NTSR1: variants seen among roughly 807,000 people sequenced by gnomAD.
The protein encoded by NTSR1 is neurotensin receptor type 1.
Under a neutral mutation model 31.2 loss-of-function variants are expected in NTSR1, and 29 were observed. The ratio of observed to expected loss-of-function variants is 0.93; its 90% CI spans 0.69 to 1.27. The LOEUF (loss-of-function observed/expected upper bound fraction) is 1.27. Ranked by LOEUF, NTSR1 falls within the 50% of genes most tolerant of loss-of-function variation. The pLI is 0.00. For synonymous variants in NTSR1, 282 were observed against 269.9 expected, an observed-to-expected ratio of 1.04 and a Z score of -0.44; for missense variants, 697 against 595.4, an observed-to-expected ratio of 1.17 and a Z score of -1.78.
rs1371519210 is a variant in NTSR1 at position 62,745,176 on chromosome 20, A to G, written c.715-9509A>G. ...CTGCCACCTGAGGATGTTGGTACAC[A>G]CACCAGACTCAGAGGGAGACCCAGA... On this transcript the variant is annotated intron_variant, in intron 1 of 3. Transcript: ENST00000370501. This position sits in a 1 kb window ranked among gnomAD's most constrained non-coding sequence, Gnocchi z 4.1. Among the ~76,000 whole-genome samples the G allele has an allele frequency of 4.6e-5, 7 of 152,132 alleles. No individual in the cohort carries two copies. The highest frequency in any genetic ancestry group is 1.7e-4 in the African/African-American group (7 of 41,424).
intron 3 of NTSR1, among the ~76,000 whole-genome samples, chr20:62,759,811 C>T (rs1214314320): frequency 6.6e-6 from 1 of 150,962 alleles, no homozygotes; most frequent in Admixed American, 6.6e-5. Context: ...CCAGGCTGGG[C>T]GGGAGCACGA....
Position 62,732,219 on chromosome 20 carries a change from A to G in NTSR1, c.714+22298A>G, listed in dbSNP as rs908236705. Among the ~76,000 whole-genome samples the G allele has an allele frequency of 6.6e-6, 1 of 152,154 alleles. No homozygotes were observed. Among genetic ancestry groups the G allele is most frequent in the African/African-American group, 2.4e-5 (1 of 41,438 alleles). Reference sequence around the variant, plus strand: ...CTGTGAACTCACAGTATGACGTTAAATAGGAGTGAGGATAGGGGGCCTCCC... The same window carrying G: ...CTGTGAACTCACAGTATGACGTTAAGTAGGAGTGAGGATAGGGGGCCTCCC... On this transcript the variant is annotated intron_variant, in intron 1 of 3. Transcript: ENST00000370501. The surrounding 1 kb of genome is among the most constrained non-coding windows in gnomAD (Gnocchi z 4.0).
rs759949331 is a variant in NTSR1, at chr20:62,714,858, A to AG, written c.714+4938dup. ...CTGATCATTCTTCCTGCCAAGAAAC[A>AG]GCAAAAAAGCCTAGGTAGTGAATAG... On this transcript the variant is annotated intron_variant, in intron 1 of 3. Coordinates refer to ENST00000370501, the MANE Select transcript of NTSR1 (RefSeq NM_002531.3). This position sits in a 1 kb window ranked among gnomAD's most constrained non-coding sequence, Gnocchi z 4.1. 2.4e-4 allele frequency among the ~76,000 whole-genome samples: 37 copies of AG among 152,384 alleles called. No homozygotes were observed. The East Asian group carries it at 7.1e-3, about 29-fold the overall frequency.
chr20:62,712,695 G>T (rs562659296), intron 1 of NTSR1, among the ~76,000 whole-genome samples: 1 of 152,218 alleles, frequency 6.6e-6, no homozygotes, highest in African/African-American at 2.4e-5. Context: ...GGACCTACGG[G>T]TGCCCCTGGG....
intron 2 of NTSR1, 63 bp downstream of exon 2, chr20:62,754,949 G>A (rs540344894): frequency 7.0e-5 from 101 of 1,443,386 alleles, no homozygotes; most frequent in Non-Finnish European, 8.3e-5. Context: ...GGCAGCGAGC[G>A]CTGAACCACC....
chr20:62,732,119 CAA>C lies in NTSR1; in HGVS notation c.714+22213_714+22214del, dbSNP rs11484429. Among the ~76,000 whole-genome samples the C allele has an allele frequency of 1.8e-3, 264 of 145,208 alleles. No individual in the cohort carries two copies. Among genetic ancestry groups the C allele is most frequent in the African/African-American group, 4.8e-3 (187 of 39,078 alleles). Reference sequence around the variant, plus strand: ...TGGGCGACAGAGTGAGACTCCATTTCAAAAAAAAAAAAAAAATTACACTGTAC... The same window carrying C: ...TGGGCGACAGAGTGAGACTCCATTTCAAAAAAAAAAAAAATTACACTGTAC... On this transcript the variant is annotated intron_variant, in intron 1 of 3. Coordinates refer to ENST00000370501, the MANE Select transcript of NTSR1 (RefSeq NM_002531.3). This position sits in a 1 kb window ranked among gnomAD's most constrained non-coding sequence, Gnocchi z 4.0.
intron 1 of NTSR1, among the ~76,000 whole-genome samples, chr20:62,712,147 G>A (rs926275086): frequency 5.3e-5 from 8 of 152,198 alleles, no homozygotes; most frequent in African/African-American, 1.9e-4. Context: ...AGAGGCCTTG[G>A]CTTCCCCTGA....
At chr20:62,717,179 C>G (rs1036058590) in intron 1 of NTSR1, among the ~76,000 whole-genome samples, 1 of 152,240 alleles carries the variant, frequency 6.6e-6, no homozygotes, top group Non-Finnish European at 1.5e-5. Flanking sequence ...GGTGAGAGCC[C>G]TGGGTCTGGA....
rs1989013154 is a variant in NTSR1, at chr20:62,732,263, A to T, written c.714+22342A>T. On this transcript the variant is annotated intron_variant, in intron 1 of 3. Coordinates refer to ENST00000370501, the MANE Select transcript of NTSR1 (RefSeq NM_002531.3). The surrounding 1 kb of genome is among the most constrained non-coding windows in gnomAD (Gnocchi z 4.0). ...GCCTCCCTGCCTCCTTCCCTATCTT[A>T]GGAAGAAAAGCTTCAGGTTTGTCAC... is the stretch of plus-strand genomic sequence containing the variant. Among the ~76,000 whole-genome samples, 1 of 152,196 alleles carries T rather than the reference A, an allele frequency of 6.6e-6. No homozygotes were observed. Among genetic ancestry groups the T allele is most frequent in the African/African-American group, 2.4e-5 (1 of 41,442 alleles).
rs972674555 is a variant in NTSR1, at chr20:62,732,468, G to T, written c.715-22217G>T. On this transcript the variant is annotated intron_variant, in intron 1 of 3. Transcript: ENST00000370501. The surrounding 1 kb of genome is among the most constrained non-coding windows in gnomAD (Gnocchi z 4.0). Reference sequence around the variant, plus strand: ...TGTTTCCGAACCCTGGAGCAGCCTCGCATGCCTGGAATAAATCCTGTGCTG... The same window carrying T: ...TGTTTCCGAACCCTGGAGCAGCCTCTCATGCCTGGAATAAATCCTGTGCTG... 1 of 152,174 alleles carries T rather than the reference G, an allele frequency of 6.6e-6. No homozygotes were observed. The highest frequency in any genetic ancestry group is 1.5e-5 in the Non-Finnish European group (1 of 68,040). 9.4% of individuals were successfully genotyped at this position (152,174 alleles called of 1,614,324 possible). A position where few individuals can be genotyped will look rare whatever the true frequency, so the allele number is the denominator to read the frequency against.
rs1366498123 is a variant in NTSR1, at chr20:62,714,962, A to G, written c.714+5041A>G. On this transcript the variant is annotated intron_variant, in intron 1 of 3. Coordinates refer to ENST00000370501, the MANE Select transcript of NTSR1 (RefSeq NM_002531.3). The surrounding 1 kb of genome is among the most constrained non-coding windows in gnomAD (Gnocchi z 4.1). The stretch of plus-strand genomic sequence containing the variant: ...TGCTCTCTTAGAGGTACATGCGGAA[A>G]TGTTTACAGACAAAATGATGCAATG... Among the ~76,000 whole-genome samples, 1 of 152,186 alleles carries G rather than the reference A, an allele frequency of 6.6e-6. No individual in the cohort carries two copies. Among genetic ancestry groups the G allele is most frequent in the Non-Finnish European group, 1.5e-5 (1 of 68,038 alleles).
rs1988552768 is a variant in NTSR1 at position 62,709,481 on chromosome 20, A to G, written c.274A>G (p.Lys92Glu). 1.2e-6 allele frequency: 2 copies of G among 1,612,630 alleles called. No homozygotes were observed. Among genetic ancestry groups the G allele is most frequent in the East Asian group, 4.5e-5 (2 of 44,864 alleles). ...GACGGCGTTCACGCTGGCGCGGAAGAAGTCGCTGCAGAGCCTGCAGAGCAC... is the reference window on the plus strand; with the variant it reads ...GACGGCGTTCACGCTGGCGCGGAAGGAGTCGCTGCAGAGCCTGCAGAGCAC... ...TVTAFTLARK[K>E]SLQSLQSTVH... The change falls in exon 1 of 4, where the codon AAG (lysine) becomes GAG (glutamate). Residue 92 changes from lysine (K) to glutamate (E), a missense_variant. Lys to Glu is a moderately conservative substitution (Grantham distance 56, BLOSUM62 1). Coordinates refer to ENST00000370501, the MANE Select transcript of NTSR1 (RefSeq NM_002531.3).
intron 1 of NTSR1, among the ~76,000 whole-genome samples, chr20:62,749,784 C>G (rs1010712308): frequency 1.3e-5 from 2 of 152,128 alleles, no homozygotes; most frequent in African/African-American, 4.8e-5. Flanking sequence ...CATCAAAAAG[C>G]CGGCAGATAA....
intron 1 of NTSR1, among the ~76,000 whole-genome samples, chr20:62,727,440 G>A (rs1454079191): frequency 2.0e-5 from 3 of 152,202 alleles, no homozygotes; most frequent in African/African-American, 7.2e-5. Flanking sequence ...CTGGGGCCAC[G>A]GGTTCTGCCC....
chr20:62,725,104 G>A (rs933333261), intron 1 of NTSR1, among the ~76,000 whole-genome samples: 18 of 152,328 alleles, frequency 1.2e-4, no homozygotes, highest in African/African-American at 2.9e-4. Flanking sequence ...CTCCTCTCCC[G>A]GCAGACAAGT....
At chr20:62,727,267 C>T (rs1247610111) in intron 1 of NTSR1, among the ~76,000 whole-genome samples, 2 of 152,184 alleles carry the variant, frequency 1.3e-5, no homozygotes, top group African/African-American at 2.4e-5. Context: ...TAGATGCGCT[C>T]TCTCCGGCTC....
intron 1 of NTSR1, among the ~76,000 whole-genome samples, chr20:62,740,702 C>A (rs529797848): frequency 6.6e-6 from 1 of 152,224 alleles, no homozygotes. Flanking sequence ...AGGTGGGGGC[C>A]GTGACCGGGG....
At chr20:62,730,222 T>A (rs1283238666) in intron 1 of NTSR1, among the ~76,000 whole-genome samples, 2 of 152,140 alleles carry the variant, frequency 1.3e-5, no homozygotes, top group Non-Finnish European at 1.5e-5. Flanking sequence ...AGAGTTTCAT[T>A]GCCCGAAAAA....
chr20:62,735,887 G>T (rs1287173895), intron 1 of NTSR1, among the ~76,000 whole-genome samples: 1 of 152,212 alleles, frequency 6.6e-6, no homozygotes, highest in African/African-American at 2.4e-5. Flanking sequence ...GCCAAGAACA[G>T]TTCCCCTTAC....
Sources: allele counts gnomAD v4.1 joint callset (sites outside exome capture counted in the v4.1 genomes callset), GRCh38; gene constraint gnomAD v4.1.1; non-coding constraint Gnocchi (gnomAD v3.1); transcripts MANE v1.5; gene names NCBI Gene and HGNC (gene_info 2026-07-23, HGNC 2026-07-21).